NRXN3: variants seen among roughly 807,000 people sequenced by gnomAD.
NRXN3 encodes neurexin III.
A neutral mutation model predicts 137.6 loss-of-function variants in NRXN3; 32 were observed. That is an observed-to-expected ratio of 0.23 (90% CI 0.18 to 0.31). The LOEUF is 0.31. NRXN3 is among the 10% of genes least tolerant of loss of function. The pLI is 1.00. For synonymous variants in NRXN3, 798 were observed against 784.5 expected, an observed-to-expected ratio of 1.02 and a Z score of -0.29; for missense variants, 1,574 against 2,062.5, an observed-to-expected ratio of 0.76 and a Z score of 4.59.
At chr14:79,691,414 C>T (rs994368278) in intron 17 of NRXN3, among the ~76,000 whole-genome samples, 10 of 151,896 alleles carry the variant, frequency 6.6e-5, no homozygotes, top group African/African-American at 2.4e-4. Flanking sequence ...AAATCAGTGT[C>T]TATTATAAAA....
intron 19 of NRXN3, among the ~76,000 whole-genome samples, chr14:79,705,956 C>T (rs1034897362): frequency 3.3e-5 from 5 of 152,240 alleles, no homozygotes; most frequent in East Asian, 1.9e-4. Context: ...CAGAGTAATA[C>T]GCAGTCAATG....
At chr14:79,741,524 A>G (rs2098963025) in intron 19 of NRXN3, among the ~76,000 whole-genome samples, 1 of 151,790 alleles carries the variant, frequency 6.6e-6, no homozygotes, top group Non-Finnish European at 1.5e-5. Context: ...TTGCTCTGTC[A>G]CCCAGGCTGG....
Position 78,905,168 on chromosome 14 carries a change from A to G in NRXN3, c.2276-52074A>G, listed in dbSNP as rs572116787. Among the ~76,000 whole-genome samples the G allele has an allele frequency of 2.0e-5, 3 of 152,068 alleles. No individual in the cohort carries two copies. The South Asian group carries it at 6.2e-4, about 32-fold the overall frequency. On this transcript the variant is annotated intron_variant, in intron 10 of 20. Coordinates refer to ENST00000335750, the MANE Select transcript of NRXN3 (RefSeq NM_001330195.2). The stretch of plus-strand genomic sequence containing the variant: ...GCATTCTCTGAAGTGTACTGTGCCT[A>G]TTTCTGCCTCCTTTCCTTTGCCCAG...
intron 8 of NRXN3, among the ~76,000 whole-genome samples, chr14:78,747,920 G>A (rs909367796): frequency 7.9e-5 from 12 of 152,056 alleles, no homozygotes; most frequent in Admixed American, 1.3e-4. Flanking sequence ...CCATTTTGTA[G>A]TCATTCACTC....
At chr14:79,122,749 C>T (rs1364442815) in intron 15 of NRXN3, among the ~76,000 whole-genome samples, 4 of 152,262 alleles carry the variant, frequency 2.6e-5, no homozygotes, top group Non-Finnish European at 4.4e-5. Flanking sequence ...TCTTACAAAT[C>T]TTTACCAAGT....
chr14:79,243,586 A>C (rs1274871916), intron 15 of NRXN3, among the ~76,000 whole-genome samples: 1 of 152,168 alleles, frequency 6.6e-6, no homozygotes, highest in Admixed American at 6.5e-5. Context: ...GTGATTTTGT[A>C]GTTATGCAAA....
intron 4 of NRXN3, among the ~76,000 whole-genome samples, chr14:78,433,749 G>A (rs1014237134): frequency 2.6e-5 from 4 of 152,122 alleles, no homozygotes. Context: ...TTAGCTTCCA[G>A]AAACGGTAAG....
At chr14:79,646,501 T>G (rs1418170949) in intron 16 of NRXN3, among the ~76,000 whole-genome samples, 1 of 135,966 alleles carries the variant, frequency 7.4e-6, no homozygotes. Flanking sequence ...CTTTCAGCAG[T>G]CAGCAGAAGC....
intron 16 of NRXN3, among the ~76,000 whole-genome samples, chr14:79,608,927 C>G (rs1192279349): frequency 1.3e-5 from 2 of 152,144 alleles, no homozygotes; most frequent in Non-Finnish European, 2.9e-5. Flanking sequence ...CCATATGCTT[C>G]AAAACGTTCT....
chr14:78,406,049 T>G (rs1397739417), intron 4 of NRXN3, among the ~76,000 whole-genome samples: 2 of 152,216 alleles, frequency 1.3e-5, no homozygotes, highest in African/African-American at 4.8e-5. Context: ...ACTTCAACTG[T>G]ACTGCACATC....
chr14:78,884,530 T>C (rs1489134747), intron 10 of NRXN3, among the ~76,000 whole-genome samples: 1 of 152,168 alleles, frequency 6.6e-6, no homozygotes, highest in South Asian at 2.1e-4. Flanking sequence ...TGTTTAGGTT[T>C]CTAGATATGA....
chr14:79,638,356 A>T (rs1406513014), intron 16 of NRXN3, among the ~76,000 whole-genome samples: 1 of 152,060 alleles, frequency 6.6e-6, no homozygotes, highest in Non-Finnish European at 1.5e-5. Context: ...TACTTATGTG[A>T]TCTTATTCGA....
At chr14:78,220,211 G>A (rs756843068) in intron 1 of NRXN3, among the ~76,000 whole-genome samples, 3 of 152,136 alleles carry the variant, frequency 2.0e-5, no homozygotes, top group African/African-American at 4.8e-5. Flanking sequence ...TGTCTAGGGG[G>A]CATCCAGGAC....
intron 15 of NRXN3, among the ~76,000 whole-genome samples, chr14:79,462,977 G>C (rs937294580): frequency 1.2e-4 from 17 of 143,734 alleles, no homozygotes; most frequent in African/African-American, 4.6e-4. Flanking sequence ...TTCTATTTCT[G>C]TTGATAGTCT....
At chr14:78,694,846 T>A (rs2098210224) in intron 6 of NRXN3, among the ~76,000 whole-genome samples, 1 of 151,988 alleles carries the variant, frequency 6.6e-6, no homozygotes, top group African/African-American at 2.4e-5. Flanking sequence ...CTTGTTCTGG[T>A]GTTTTTTATT....
At chr14:78,374,769 CAAAAAAAAAAAA>C (rs3037807) in intron 4 of NRXN3, among the ~76,000 whole-genome samples, 7 of 115,528 alleles carry the variant, frequency 6.1e-5, no homozygotes, top group South Asian at 3.0e-4. Context: ...ACTCCATCTC[CAAAAAAAAAAAA>C]AAAAAAAAAA....
chr14:79,607,052 G>T (rs897042152), intron 16 of NRXN3, among the ~76,000 whole-genome samples: 3 of 152,158 alleles, frequency 2.0e-5, no homozygotes, highest in African/African-American at 7.2e-5. Context: ...GTGTATGTGT[G>T]CATGCTTATT....
chr14:79,514,895 TA>T (rs761335214), intron 16 of NRXN3, among the ~76,000 whole-genome samples: 7 of 141,656 alleles, frequency 4.9e-5, no homozygotes, highest in Non-Finnish European at 7.4e-5. Context: ...CGATTCTGTC[TA>T]GGGGGTAATG....
At chr14:79,788,296 A>T (rs1329525338) in intron 19 of NRXN3, among the ~76,000 whole-genome samples, 6 of 152,170 alleles carry the variant, frequency 3.9e-5, no homozygotes, top group African/African-American at 1.4e-4. Flanking sequence ...TCAAGGTGAG[A>T]TTTGGGCAGG....
Sources: allele counts gnomAD v4.1 joint callset (sites outside exome capture counted in the v4.1 genomes callset), GRCh38; gene constraint gnomAD v4.1.1; transcripts MANE v1.5; gene names NCBI Gene and HGNC (gene_info 2026-07-23, HGNC 2026-07-21).